Variants in ITGA9 observed in about 807,000 individuals in gnomAD.
ITGA9 encodes the protein integrin subunit alpha 9.
In ITGA9, 56 loss-of-function variants were observed where a neutral mutation model predicts 127.8. The observed-to-expected ratio is 0.44, with a 90% CI of 0.35 to 0.55. The LOEUF is 0.55. Among genes scored for constraint, ITGA9 ranks in the 20% least tolerant of loss-of-function variants. The pLI, the probability that ITGA9 is intolerant of heterozygous loss-of-function variation, is 0.00. For missense variants in ITGA9, 1,196 were observed against 1,347.1 expected (o/e 0.89, Z 1.76); for synonymous variants, 508 against 514.5 (o/e 0.99, Z 0.17).
chr3:37,696,302 C>T (rs556101343), intron 18 of ITGA9, among the ~76,000 whole-genome samples: 144 of 152,290 alleles, frequency 9.5e-4, no homozygotes, highest in African/African-American at 3.3e-3. Context: ...CCCTGAGATA[C>T]GTAGCAGAAC....
At chr3:37,685,673 T>C (rs1181598929) in intron 18 of ITGA9, among the ~76,000 whole-genome samples, 1 of 152,202 alleles carries the variant, frequency 6.6e-6, no homozygotes, top group Non-Finnish European at 1.5e-5. Flanking sequence ...TACACAGATT[T>C]CTCTCACTCA....
In ITGA9 at chr3:37,818,927, G is replaced by C; in HGVS notation, c.3046G>C (p.Glu1016Gln). The C allele has an allele frequency of 6.2e-7, 1 of 1,614,142 alleles. No individual in the cohort carries two copies. The highest frequency in any genetic ancestry group is 8.5e-7 in the Non-Finnish European group (1 of 1,180,014). ...FFRRRYKEII[E>Q]AEKNRKENED... ...TCGCCGAAGGTACAAAGAAATTATC[G>C]AAGCTGAGAAGAACCGGAAAGAGAA... The change falls in exon 28 of 28, where the codon GAA (glutamate) becomes CAA (glutamine). Residue 1016 changes from glutamate to glutamine, a missense_variant. Transcript: ENST00000264741.
chr3:37,640,904 A>T (rs1376047364), intron 16 of ITGA9, among the ~76,000 whole-genome samples: 2 of 152,172 alleles, frequency 1.3e-5, no homozygotes, highest in Non-Finnish European at 2.9e-5. Context: ...CCCGGAAATG[A>T]TGAGGCAGCA....
At chr3:37,797,874 G>A (rs1464652090) in intron 26 of ITGA9, among the ~76,000 whole-genome samples, 1 of 151,382 alleles carries the variant, frequency 6.6e-6, no homozygotes, top group Non-Finnish European at 1.5e-5. Flanking sequence ...TTGTAGAGAC[G>A]GGGTTTCGCC....
intron 16 of ITGA9, among the ~76,000 whole-genome samples, chr3:37,639,779 T>C (rs1010773698): frequency 2.6e-5 from 4 of 151,592 alleles, no homozygotes; most frequent in African/African-American, 4.9e-5. Context: ...CCCCAGAGAG[T>C]TGACTCCTAA....
chr3:37,480,228 A>G (rs1326048764), intron 3 of ITGA9, among the ~76,000 whole-genome samples: 1 of 151,822 alleles, frequency 6.6e-6, no homozygotes, highest in African/African-American at 2.4e-5. Context: ...AGGCAGGGGC[A>G]TGTTTAGTGT....
chr3:37,697,253 C>G (rs1054162345), intron 18 of ITGA9, among the ~76,000 whole-genome samples: 1 of 151,890 alleles, frequency 6.6e-6, no homozygotes, highest in African/African-American at 2.4e-5. Context: ...AGTCATTTTT[C>G]AGTCTTCTTT....
chr3:37,550,014 T>G (rs1017324377), intron 15 of ITGA9, among the ~76,000 whole-genome samples: 2 of 152,256 alleles, frequency 1.3e-5, no homozygotes, highest in African/African-American at 4.8e-5. Context: ...GCATTTAGTA[T>G]GTGCTGGTTA....
At chr3:37,501,087 G>T (rs139800128) in intron 5 of ITGA9, among the ~76,000 whole-genome samples, 167 of 152,162 alleles carry the variant, frequency 1.1e-3, no homozygotes, top group African/African-American at 3.8e-3. Flanking sequence ...TGAACTCTGA[G>T]ATATAATAGT....
At chr3:37,504,843 C>A (rs1698824462) in intron 6 of ITGA9, among the ~76,000 whole-genome samples, 1 of 152,142 alleles carries the variant, frequency 6.6e-6, no homozygotes, top group South Asian at 2.1e-4. Context: ...ATGATGTCAT[C>A]GCGAAACTCA....
intron 8 of ITGA9, among the ~76,000 whole-genome samples, chr3:37,513,304 G>T (rs1234919747): frequency 6.6e-6 from 1 of 152,192 alleles, no homozygotes; most frequent in Non-Finnish European, 1.5e-5. Context: ...CTTTGGGCCA[G>T]TTAGCTTTGT....
At chr3:37,688,157 A>G (rs896634376) in intron 18 of ITGA9, among the ~76,000 whole-genome samples, 1 of 152,182 alleles carries the variant, frequency 6.6e-6, no homozygotes, top group Non-Finnish European at 1.5e-5. Context: ...ACTCAGGCAG[A>G]AAGATGTGGG....
chr3:37,464,471 G>A (rs1003490555), intron 1 of ITGA9, among the ~76,000 whole-genome samples: 3 of 152,016 alleles, frequency 2.0e-5, no homozygotes, highest in Non-Finnish European at 2.9e-5. Context: ...ACTATGATGG[G>A]TGTTTTATAA....
intron 18 of ITGA9, among the ~76,000 whole-genome samples, chr3:37,727,994 G>A (rs898699347): frequency 6.6e-6 from 1 of 152,172 alleles, no homozygotes; most frequent in African/African-American, 2.4e-5. Context: ...GCTTCACTCT[G>A]TATTTGATTT....
intron 18 of ITGA9, among the ~76,000 whole-genome samples, chr3:37,698,251 G>A (rs936976297): frequency 6.6e-6 from 1 of 151,956 alleles, no homozygotes; most frequent in African/African-American, 2.4e-5. Context: ...TTGTCAGATG[G>A]GTAGATTGCA....
chr3:37,531,044 C>A (rs1179111366), intron 13 of ITGA9, among the ~76,000 whole-genome samples: 1 of 152,078 alleles, frequency 6.6e-6, no homozygotes, highest in Non-Finnish European at 1.5e-5. Flanking sequence ...AGCCACCGCG[C>A]CCGGCCGCTA....
chr3:37,671,883 T>C (rs1700640178), intron 17 of ITGA9, among the ~76,000 whole-genome samples: 1 of 152,246 alleles, frequency 6.6e-6, no homozygotes, highest in South Asian at 2.1e-4. Flanking sequence ...CATGTATACA[T>C]ACATATAGAA....
intron 4 of ITGA9, among the ~76,000 whole-genome samples, chr3:37,490,969 C>CCCA (rs1553642004): frequency 8.6e-4 from 116 of 134,534 alleles, no homozygotes; most frequent in Middle Eastern, 3.6e-3. Flanking sequence ...TTTGGCTTCC[C>CCCA]CCCCGCTTTT....
At chr3:37,756,429 T>C (rs1575223764) in intron 23 of ITGA9, among the ~76,000 whole-genome samples, 2 of 152,218 alleles carry the variant, frequency 1.3e-5, no homozygotes, top group South Asian at 2.1e-4. Context: ...TCAAAAATCA[T>C]CACACAAGTA....
Sources: allele counts gnomAD v4.1 joint callset (sites outside exome capture counted in the v4.1 genomes callset), GRCh38; gene constraint gnomAD v4.1.1; transcripts MANE v1.5; gene names NCBI Gene and HGNC (gene_info 2026-07-23, HGNC 2026-07-21).